Variants in METTL24 observed in about 807,000 individuals in gnomAD.
METTL24 encodes methyltransferase like 24, also known as probable methyltransferase-like protein 24.
In METTL24, 29 loss-of-function variants were observed where a neutral mutation model predicts 32.7. That is an observed-to-expected ratio of 0.89 (90% CI 0.66 to 1.21). The LOEUF (loss-of-function observed/expected upper bound fraction) is 1.21, where lower values mean the gene tolerates loss of function less well. Among genes scored for constraint, METTL24 ranks in the 50% most tolerant of loss-of-function variants. METTL24 has a pLI of 0.00. For synonymous variants in METTL24, 163 were observed against 179.5 expected (o/e 0.91, Z 0.73); for missense variants, 439 against 468.1 (o/e 0.94, Z 0.57).
chr6:110,289,580 A>ACCCTAAC (rs1392301171), intron 4 of METTL24, among the ~76,000 whole-genome samples: 1 of 152,272 alleles, frequency 6.6e-6, no homozygotes, highest in African/African-American at 2.4e-5. Flanking sequence ...TGAGGAATTT[A>ACCCTAAC]CCCTAACATA....
Position 110,263,387 on chromosome 6 carries a change from A to G in METTL24, c.787-17127T>C, listed in dbSNP as rs571393544. 2.0e-5 allele frequency among the ~76,000 whole-genome samples: 3 copies of G among 152,346 alleles called. No individual in the cohort carries two copies. In the South Asian group the frequency reaches 6.2e-4, roughly 32 times the overall value. ...CATTCACAATTGCTTCAAAGAGAAT[A>G]GAATACCTAGGAATCCAACTTACAA... On this transcript the variant is annotated intron_variant, in intron 4 of 4. Coordinates refer to ENST00000338882, the MANE Select transcript of METTL24 (RefSeq NM_001123364.3).
At chr6:110,307,418 G>T (rs1229074609) in intron 3 of METTL24, among the ~76,000 whole-genome samples, 1 of 152,182 alleles carries the variant, frequency 6.6e-6, no homozygotes, top group Non-Finnish European at 1.5e-5. Flanking sequence ...TTGCTTGAAA[G>T]AAATATTTTA....
intron 4 of METTL24, among the ~76,000 whole-genome samples, chr6:110,283,353 T>G (rs1342664585): frequency 2.0e-5 from 3 of 152,144 alleles, no homozygotes; most frequent in Non-Finnish European, 2.9e-5. Context: ...TTACATCATA[T>G]GCAGAATAAG....
At chr6:110,356,835 G>GCA (rs2114785017) in intron 1 of METTL24, among the ~76,000 whole-genome samples, 1 of 152,356 alleles carries the variant, frequency 6.6e-6, no homozygotes, top group African/African-American at 2.4e-5. Context: ...CAGGAAGTTA[G>GCA]CACGATGGCC....
rs1231406911 is a variant in METTL24 at position 110,263,916 on chromosome 6, A to G, written c.787-17656T>C. Among the ~76,000 whole-genome samples the G allele has an allele frequency of 3.9e-5, 6 of 152,368 alleles. No homozygotes were observed. In the East Asian group the frequency reaches 5.8e-4, roughly 15 times the overall value. On this transcript the variant is annotated intron_variant, in intron 4 of 4. Transcript: ENST00000338882. ...ATGGTGCTGGGAAAACTGGCTAGCCATATGTAGAAAGTTGAAACTGGATCC... is the reference window on the plus strand; with the variant it reads ...ATGGTGCTGGGAAAACTGGCTAGCCGTATGTAGAAAGTTGAAACTGGATCC...
In METTL24 at chr6:110,339,632, C is replaced by A. The variant is rs991832097; in HGVS notation, c.319-16760G>T. ...TGGGCAAGAAAGATCAGAACTCCAGCCAGGGGCAATACACACAACAAAAGA... is the reference window on the plus strand; with the variant it reads ...TGGGCAAGAAAGATCAGAACTCCAGACAGGGGCAATACACACAACAAAAGA... On this transcript the variant is annotated intron_variant, in intron 1 of 4. Coordinates refer to ENST00000338882, the MANE Select transcript of METTL24 (RefSeq NM_001123364.3). Among the ~76,000 whole-genome samples, 48 of 152,160 alleles carry A rather than the reference C, an allele frequency of 3.2e-4. 1 individual carries two copies. Among genetic ancestry groups the A allele is most frequent in the Admixed American group, 2.8e-3 (43 of 15,280 alleles).
At chr6:110,313,437 A>G (rs1771761469) in intron 3 of METTL24, among the ~76,000 whole-genome samples, 1 of 152,258 alleles carries the variant, frequency 6.6e-6, no homozygotes, top group African/African-American at 2.4e-5. Context: ...CTGCAGAGCT[A>G]TCTTATCCAA....
chr6:110,292,895 A>AT (rs1423903618), intron 4 of METTL24, among the ~76,000 whole-genome samples: 1 of 152,062 alleles, frequency 6.6e-6, no homozygotes, highest in Non-Finnish European at 1.5e-5. Flanking sequence ...CCTTTATCAT[A>AT]TATCAACTCT....
At chr6:110,286,919 C>T (rs1018667535) in intron 4 of METTL24, among the ~76,000 whole-genome samples, 14 of 152,290 alleles carry the variant, frequency 9.2e-5, no homozygotes, top group South Asian at 4.1e-4. Flanking sequence ...TTTGGAACTC[C>T]GACTGGCTCT....
intron 3 of METTL24, among the ~76,000 whole-genome samples, chr6:110,302,536 C>T (rs1418472501): frequency 8.6e-6 from 1 of 116,722 alleles, no homozygotes; most frequent in Non-Finnish European, 1.6e-5. Flanking sequence ...TATATATACA[C>T]ATATACACAC....
chr6:110,307,649 C>T (rs117970257), intron 3 of METTL24, among the ~76,000 whole-genome samples: 3 of 152,166 alleles, frequency 2.0e-5, no homozygotes, highest in East Asian at 3.9e-4. Flanking sequence ...TTTACAGCTA[C>T]ATGGAAGGCT....
chr6:110,338,474 G>A (rs1391881821), intron 1 of METTL24, among the ~76,000 whole-genome samples: 1 of 152,080 alleles, frequency 6.6e-6, no homozygotes, highest in Non-Finnish European at 1.5e-5. Context: ...CTCCAACCTG[G>A]GCAACAGAGC....
At chr6:110,307,610 C>G (rs1771647953) in intron 3 of METTL24, among the ~76,000 whole-genome samples, 1 of 152,162 alleles carries the variant, frequency 6.6e-6, no homozygotes, top group Non-Finnish European at 1.5e-5. Context: ...CCATTCATAG[C>G]TCACTGCTTA....
At chr6:110,264,101 A>G (rs1355973781) in intron 4 of METTL24, among the ~76,000 whole-genome samples, 4 of 151,752 alleles carry the variant, frequency 2.6e-5, no homozygotes, top group African/African-American at 7.3e-5. Context: ...CAATGGCAAC[A>G]AAAGCCAAAA....
chr6:110,283,321 A>G (rs1771169392), intron 4 of METTL24, among the ~76,000 whole-genome samples: 1 of 152,180 alleles, frequency 6.6e-6, no homozygotes, highest in Non-Finnish European at 1.5e-5. Context: ...TCTGGTAAAA[A>G]CTATCCCAAC....
At position 110,339,634 on chromosome 6, in the gene METTL24, A is replaced by C. The variant is rs186631138; in HGVS notation, c.319-16762T>G. Among the ~76,000 whole-genome samples the C allele has an allele frequency of 2.0e-3, 311 of 152,350 alleles. 1 individual carries two copies. The highest frequency in any genetic ancestry group is 7.2e-3 in the African/African-American group (301 of 41,582). The stretch of plus-strand genomic sequence containing the variant: ...GGCAAGAAAGATCAGAACTCCAGCC[A>C]GGGGCAATACACACAACAAAAGATT... On this transcript the variant is annotated intron_variant, in intron 1 of 4. Coordinates refer to ENST00000338882, the MANE Select transcript of METTL24 (RefSeq NM_001123364.3).
chr6:110,323,865 C>T (rs990962471), intron 1 of METTL24, among the ~76,000 whole-genome samples: 1 of 151,954 alleles, frequency 6.6e-6, no homozygotes, highest in African/African-American at 2.4e-5. Flanking sequence ...GCCCCTAAAC[C>T]CCTTTTTATA....
intron 1 of METTL24, among the ~76,000 whole-genome samples, chr6:110,350,084 A>C (rs995407872): frequency 1.3e-5 from 2 of 152,236 alleles, no homozygotes; most frequent in African/African-American, 2.4e-5. Flanking sequence ...TAAATGGTGA[A>C]GCCTAGGTCA....
intron 1 of METTL24, among the ~76,000 whole-genome samples, chr6:110,350,980 C>G (rs930984985): frequency 6.6e-6 from 1 of 151,880 alleles, no homozygotes; most frequent in South Asian, 2.1e-4. Context: ...TGGTGGCAGG[C>G]GCCTGTAATC....
Sources: gnomAD v4.1 joint callset for allele counts (sites outside exome capture counted in the v4.1 genomes callset) on GRCh38, gnomAD v4.1.1 for gene constraint, MANE v1.5 for transcripts, NCBI Gene and HGNC (gene_info 2026-07-23, HGNC 2026-07-21) for gene names.